The following KCNK12 variants were observed in gnomAD, a reference collection of about 807,000 sequenced individuals.
KCNK12 encodes the protein potassium two pore domain channel subfamily K member 12.
A neutral mutation model predicts 25.3 loss-of-function variants in KCNK12; 6 were observed. That is an observed-to-expected ratio of 0.24 (90% CI 0.13 to 0.47). The LOEUF (loss-of-function observed/expected upper bound fraction) is 0.47. KCNK12 is among the 20% of genes least tolerant of loss of function. The probability of loss-of-function intolerance (pLI) is 0.99; values close to 1 mark genes in which losing one functional copy is unlikely to be tolerated. For missense variants in KCNK12, 444 were observed against 661.7 expected (o/e 0.67, Z 3.61); for synonymous variants, 331 against 311.1 (o/e 1.06, Z -0.67).
At position 47,569,966 on chromosome 2, in the gene KCNK12, G is replaced by A. The variant is rs1171120851; in HGVS notation, c.366C>T (p.Phe122=). ...CTATGGTTGACACCACGGTGCCCACGAAGTAGAAGGCGCCGGGGAAGTCCC... is the reference window on the plus strand; with the variant it reads ...CTATGGTTGACACCACGGTGCCCACAAAGTAGAAGGCGCCGGGGAAGTCCC... ...PRWDFPGAFY[F]VGTVVSTIGF... is the part of the protein sequence containing the mutation. Residue 122 remains phenylalanine (F), a synonymous_variant, in exon 1 of 2, where the codon TTC becomes TTT. Coordinates refer to ENST00000327876, the MANE Select transcript of KCNK12 (RefSeq NM_022055.2). This position sits in a 1 kb window ranked among gnomAD's most constrained non-coding sequence, Gnocchi z 4.1. 4 of 1,430,584 alleles carry A rather than the reference G, an allele frequency of 2.8e-6. No individual in the cohort carries two copies. The highest frequency in any genetic ancestry group is 3.0e-5 in the East Asian group (1 of 33,232). The allele number at this position is 1,430,584 out of a possible 1,614,324, so 88.6% of individuals were successfully genotyped here.
intron 1 of KCNK12, among the ~76,000 whole-genome samples, chr2:47,561,859 C>T (rs994117382): frequency 2.0e-5 from 3 of 152,076 alleles, no homozygotes; most frequent in Admixed American, 6.5e-5. Flanking sequence ...TGTTTAGAGT[C>T]GACACTAAAC....
Position 47,513,963 on chromosome 2 carries a change from G to C in KCNK12, c.*6944C>G, listed in dbSNP as rs192926311. ...TTCTGAGTCATTTTCGGCAGCACACGCATCCTTAAAACCCCTCCACTGGCT... is the reference window on the plus strand; with the variant it reads ...TTCTGAGTCATTTTCGGCAGCACACCCATCCTTAAAACCCCTCCACTGGCT... On this transcript the variant is annotated 3_prime_UTR_variant, in exon 2 of 2. Transcript: ENST00000327876. Among the ~76,000 whole-genome samples, 1 of 152,056 alleles carries C rather than the reference G, an allele frequency of 6.6e-6. No homozygotes were observed. Among genetic ancestry groups the C allele is most frequent in the Non-Finnish European group, 1.5e-5 (1 of 68,000 alleles).
intron 1 of KCNK12, among the ~76,000 whole-genome samples, chr2:47,526,132 T>A (rs1335489521): frequency 6.6e-6 from 1 of 151,818 alleles, no homozygotes; most frequent in Non-Finnish European, 1.5e-5. Context: ...TGATGGCTCA[T>A]GCCTGTAATC....
In KCNK12 at chr2:47,570,772, G is replaced by C. The variant is rs1418242204; in HGVS notation, c.-441C>G. On this transcript the variant is annotated 5_prime_UTR_variant, in exon 1 of 2. Coordinates refer to ENST00000327876, the MANE Select transcript of KCNK12 (RefSeq NM_022055.2). ...CCCGGGCGCCTAGGACCGGGACGCG[G>C]CAGCAAGGCGTGGAGAGAGCCCCCG... 1 of 152,644 alleles carries C rather than the reference G, an allele frequency of 6.6e-6. No individual in the cohort carries two copies. Among genetic ancestry groups the C allele is most frequent in the African/African-American group, 2.4e-5 (1 of 41,462 alleles). 9.5% of individuals were successfully genotyped at this position (152,644 alleles called of 1,614,324 possible).
At chr2:47,531,071 A>G (rs985122586) in intron 1 of KCNK12, among the ~76,000 whole-genome samples, 1 of 152,206 alleles carries the variant, frequency 6.6e-6, no homozygotes, top group Non-Finnish European at 1.5e-5. Flanking sequence ...ATAATCCCCA[A>G]TCCCCGGGTG....
intron 1 of KCNK12, among the ~76,000 whole-genome samples, 194 bp from the exon 2 acceptor site, chr2:47,522,002 TGGC>T (rs1174221889): frequency 6.6e-6 from 1 of 152,198 alleles, no homozygotes; most frequent in Admixed American, 6.5e-5. Context: ...TTCCTGATCT[TGGC>T]AGCCCCTAAA....
intron 1 of KCNK12, among the ~76,000 whole-genome samples, chr2:47,536,120 A>T (rs1212819646): frequency 6.6e-6 from 1 of 152,044 alleles, no homozygotes; most frequent in Non-Finnish European, 1.5e-5. Context: ...AGTTGGTGGT[A>T]TTGAGGCACA....
Position 47,570,179 on chromosome 2 carries a change from C to A in KCNK12, c.153G>T (p.Val51=). ...LLAALIGLYL[V]AGATVFSALE... is the part of the protein sequence containing the mutation. ...GCGCCGAGAAGACTGTGGCACCCGCCACCAGGTAGAGGCCGATGAGCGCCG... is the reference window on the plus strand; with the variant it reads ...GCGCCGAGAAGACTGTGGCACCCGCAACCAGGTAGAGGCCGATGAGCGCCG... Residue 51 remains valine (V), a synonymous_variant, in exon 1 of 2, where the codon GTG becomes GTT. Coordinates refer to ENST00000327876, the MANE Select transcript of KCNK12 (RefSeq NM_022055.2). 6.7e-7 allele frequency: 1 copy of A among 1,490,632 alleles called. No individual in the cohort carries two copies. The highest frequency in any genetic ancestry group is 8.9e-7 in the Non-Finnish European group (1 of 1,124,166). The allele number at this position is 1,490,632 out of a possible 1,614,324, so 92.3% of individuals were successfully genotyped here. A position where few individuals can be genotyped will look rare whatever the true frequency, so the allele number is the denominator to read the frequency against.
rs1042183826 is a variant in KCNK12, at chr2:47,556,226, T to C, written c.391+13715A>G. The stretch of plus-strand genomic sequence containing the variant: ...TTAACAATGCATGGGGAGTGGGTAA[T>C]GACAGGAACTAAGCCCTGGAGGAAG... On this transcript the variant is annotated intron_variant, in intron 1 of 1. Transcript: ENST00000327876. The surrounding 1 kb of genome is among the most constrained non-coding windows in gnomAD (Gnocchi z 4.8). 1.3e-5 allele frequency among the ~76,000 whole-genome samples: 2 copies of C among 152,176 alleles called. No individual in the cohort carries two copies. Among genetic ancestry groups the C allele is most frequent in the African/African-American group, 4.8e-5 (2 of 41,448 alleles).
chr2:47,547,979 C>T lies in KCNK12; in HGVS notation c.391+21962G>A, dbSNP rs1011376662. Among the ~76,000 whole-genome samples, 4 of 152,070 alleles carry T rather than the reference C, an allele frequency of 2.6e-5. No individual in the cohort carries two copies. Among genetic ancestry groups the T allele is most frequent in the Non-Finnish European group, 5.9e-5 (4 of 68,030 alleles). On this transcript the variant is annotated intron_variant, in intron 1 of 1. Transcript: ENST00000327876. The surrounding 1 kb of genome is among the most constrained non-coding windows in gnomAD (Gnocchi z 5.0). ...TTGGAACATGGGGGTGGATTTCCCC[C>T]TTGCCGTTCTCATGATAGTAAGTTC...
At chr2:47,543,309 C>A (rs1173632683) in intron 1 of KCNK12, 2 of 150,870 alleles carry the variant, frequency 1.3e-5, no homozygotes, top group African/African-American at 4.9e-5. Flanking sequence ...GCTTTCCTCA[C>A]TGAGGCTTAT....
intron 1 of KCNK12, among the ~76,000 whole-genome samples, chr2:47,546,358 A>G (rs1480018472): frequency 6.6e-6 from 1 of 152,250 alleles, no homozygotes; most frequent in Admixed American, 6.5e-5. Flanking sequence ...CATTTTCCCT[A>G]TTAATTAACG....
rs977073478 is a variant in KCNK12 at position 47,540,878 on chromosome 2, G to C, written c.392-19070C>G. 2.6e-4 allele frequency among the ~76,000 whole-genome samples: 40 copies of C among 152,182 alleles called. No individual in the cohort carries two copies. The highest frequency in any genetic ancestry group is 2.5e-3 in the Admixed American group (38 of 15,276). On this transcript the variant is annotated intron_variant, in intron 1 of 1. Coordinates refer to ENST00000327876, the MANE Select transcript of KCNK12 (RefSeq NM_022055.2). The surrounding 1 kb of genome is among the most constrained non-coding windows in gnomAD (Gnocchi z 5.4). The stretch of plus-strand genomic sequence containing the variant: ...AGGCAGGATTGTTTGAGCCCAGGAG[G>C]TCAAGGCTGGAGTGAGCTGTGATTC...
chr2:47,542,783 C>T (rs1669228631), intron 1 of KCNK12, among the ~76,000 whole-genome samples: 1 of 152,218 alleles, frequency 6.6e-6, no homozygotes, highest in Non-Finnish European at 1.5e-5. Flanking sequence ...GAAGCTCACT[C>T]ATGCACAGCG....
At chr2:47,561,089 G>A (rs1045017567) in intron 1 of KCNK12, among the ~76,000 whole-genome samples, 6 of 152,158 alleles carry the variant, frequency 3.9e-5, no homozygotes, top group Non-Finnish European at 5.9e-5. Context: ...GAAGTGTGGC[G>A]GGACCTGGCC....
intron 1 of KCNK12, among the ~76,000 whole-genome samples, chr2:47,544,784 C>G (rs1173427141): frequency 6.6e-6 from 1 of 152,188 alleles, no homozygotes; most frequent in African/African-American, 2.4e-5. Context: ...GCACTTATAA[C>G]AAACCATGGC....
intron 1 of KCNK12, among the ~76,000 whole-genome samples, chr2:47,549,288 G>C (rs1202038963): frequency 6.6e-6 from 1 of 152,136 alleles, no homozygotes; most frequent in African/African-American, 2.4e-5. Flanking sequence ...CCTTTAAAAA[G>C]CTTAAAAACA....
chr2:47,534,432 G>GCCCCCCCCCCCCCCCC (rs11406660), intron 1 of KCNK12, among the ~76,000 whole-genome samples: 1 of 117,316 alleles, frequency 8.5e-6, no homozygotes, highest in African/African-American at 3.5e-5. Flanking sequence ...CCGTCTCCAG[G>GCCCCCCCCCCCCCCCC]CCCCCCCCAC....
At chr2:47,541,959 T>C (rs1669210177) in intron 1 of KCNK12, among the ~76,000 whole-genome samples, 1 of 152,214 alleles carries the variant, frequency 6.6e-6, no homozygotes, top group Non-Finnish European at 1.5e-5. Flanking sequence ...GGCTGCACCC[T>C]GGCTCATTCT....
Sources: allele counts gnomAD v4.1 joint callset (sites outside exome capture counted in the v4.1 genomes callset), GRCh38; gene constraint gnomAD v4.1.1; non-coding constraint Gnocchi (gnomAD v3.1); transcripts MANE v1.5; gene names NCBI Gene and HGNC (gene_info 2026-07-23, HGNC 2026-07-21).